L3MBTL4: variants seen among roughly 807,000 people sequenced by gnomAD.
L3MBTL4 encodes the protein L3MBTL histone methyl-lysine binding protein 4, also known as lethal(3)malignant brain tumor-like protein 4.
A neutral mutation model predicts 84.5 loss-of-function variants in L3MBTL4; 70 were observed. The observed-to-expected ratio is 0.83, with a 90% CI of 0.68 to 1.01. The LOEUF (loss-of-function observed/expected upper bound fraction) is 1.01, where lower values mean the gene tolerates loss of function less well. Ranked by LOEUF, L3MBTL4 falls within the 50% of genes least tolerant of loss-of-function variation. L3MBTL4 has a pLI of 0.00. For missense variants in L3MBTL4, 715 were observed against 754.8 expected, an observed-to-expected ratio of 0.95 and a Z score of 0.62; for synonymous variants, 274 against 259.8, an observed-to-expected ratio of 1.05 and a Z score of -0.52.
At chr18:5,993,273 A>G (rs1011610215) in intron 16 of L3MBTL4, among the ~76,000 whole-genome samples, 10 of 152,220 alleles carry the variant, frequency 6.6e-5, no homozygotes, top group Admixed American at 2.0e-4. Flanking sequence ...CTTTCCAAAG[A>G]AATAACCCTT....
chr18:6,009,152 T>C (rs1275331383), intron 16 of L3MBTL4, among the ~76,000 whole-genome samples: 1 of 152,138 alleles, frequency 6.6e-6, no homozygotes, highest in Non-Finnish European at 1.5e-5. Flanking sequence ...CAAAGATTCT[T>C]AGTTACAGAA....
At chr18:6,103,396 T>C (rs2058897464) in intron 14 of L3MBTL4, among the ~76,000 whole-genome samples, 1 of 152,236 alleles carries the variant, frequency 6.6e-6, no homozygotes, top group Admixed American at 6.5e-5. Context: ...TGAAATATTC[T>C]AGTTTTAAAA....
At chr18:6,130,400 C>A (rs1367677196) in intron 14 of L3MBTL4, among the ~76,000 whole-genome samples, 1 of 152,120 alleles carries the variant, frequency 6.6e-6, no homozygotes, top group Admixed American at 6.5e-5. Context: ...TATAAGTTTC[C>A]ACTAAGAGCA....
chr18:5,998,013 TA>T (rs534484032), intron 16 of L3MBTL4, among the ~76,000 whole-genome samples: 105 of 152,272 alleles, frequency 6.9e-4, no homozygotes, highest in African/African-American at 2.4e-3. Flanking sequence ...AAAGTTAAAA[TA>T]AAGAATTTAG....
intron 12 of L3MBTL4, among the ~76,000 whole-genome samples, chr18:6,199,518 A>G (rs181889868): frequency 3.3e-4 from 51 of 152,336 alleles, no homozygotes; most frequent in Non-Finnish European, 5.0e-4. Flanking sequence ...ATTACTGTAT[A>G]GAGACCACCA....
rs962053887 is a variant in L3MBTL4 at position 6,078,473 on chromosome 18, A to C, written c.1444+2408T>G. On this transcript the variant is annotated intron_variant, in intron 16 of 18. Transcript: ENST00000317931. ...AAAAAAAAGGGGAAAAAAAGGAAGGACATGGGTACTGGATATTATGATCAG... is the reference window on the plus strand; with the variant it reads ...AAAAAAAAGGGGAAAAAAAGGAAGGCCATGGGTACTGGATATTATGATCAG... Among the ~76,000 whole-genome samples, 47 of 151,286 alleles carry C rather than the reference A, an allele frequency of 3.1e-4. 1 individual carries two copies. Among genetic ancestry groups the C allele is most frequent in the African/African-American group, 1.1e-3 (47 of 41,204 alleles).
intron 1 of L3MBTL4, chr18:6,326,588 A>G (rs746392721): frequency 6.6e-6 from 1 of 152,260 alleles, no homozygotes; most frequent in Non-Finnish European, 1.5e-5. Context: ...GTCTTCTCTC[A>G]TAATTCCCAT....
intron 12 of L3MBTL4, among the ~76,000 whole-genome samples, chr18:6,178,479 A>G (rs192090731): frequency 7.2e-5 from 11 of 152,238 alleles, no homozygotes; most frequent in Admixed American, 3.9e-4. Context: ...ATTTACCAAG[A>G]GTCCTTTTGT....
intron 16 of L3MBTL4, chr18:6,030,797 A>G: frequency 3.0e-6 from 3 of 985,136 alleles, no homozygotes; most frequent in Non-Finnish European, 3.6e-6. Context: ...TGCATTAAAA[A>G]CGTCTTACGA....
intron 16 of L3MBTL4, among the ~76,000 whole-genome samples, chr18:6,023,811 A>T (rs1245928750): frequency 6.6e-6 from 1 of 152,152 alleles, no homozygotes; most frequent in Non-Finnish European, 1.5e-5. Flanking sequence ...GTGGGATCTG[A>T]AGTTTAAAAC....
intron 16 of L3MBTL4, among the ~76,000 whole-genome samples, chr18:6,000,685 A>G (rs1009802097): frequency 6.6e-6 from 1 of 152,220 alleles, no homozygotes; most frequent in African/African-American, 2.4e-5. Context: ...TTGAATCTAT[A>G]TATCATAAGG....
intron 14 of L3MBTL4, among the ~76,000 whole-genome samples, chr18:6,132,541 C>G (rs1202371380): frequency 2.0e-5 from 3 of 152,230 alleles, no homozygotes; most frequent in African/African-American, 7.2e-5. Context: ...CCCCATTCTT[C>G]TCACTATCAC....
At chr18:6,341,837 A>C (rs1295166618) in intron 1 of L3MBTL4, among the ~76,000 whole-genome samples, 2 of 152,160 alleles carry the variant, frequency 1.3e-5, no homozygotes, top group African/African-American at 4.8e-5. Flanking sequence ...CCACCAAGAT[A>C]CATTATAATC....
At chr18:6,163,320 T>G (rs557975260) in intron 13 of L3MBTL4, among the ~76,000 whole-genome samples, 1 of 147,288 alleles carries the variant, frequency 6.8e-6, no homozygotes, top group African/African-American at 2.5e-5. Context: ...TGGGTGTGTA[T>G]TTTTGCTTTC....
intron 16 of L3MBTL4, among the ~76,000 whole-genome samples, chr18:6,072,651 T>G (rs1403981377): frequency 6.7e-6 from 1 of 149,716 alleles, no homozygotes; most frequent in African/African-American, 2.5e-5. Flanking sequence ...CCATCCTGGC[T>G]AACACAGTGA....
rs758381789 is a variant in L3MBTL4, at chr18:6,243,293, C to T, written c.460+1G>A. On this transcript the variant is annotated splice_donor_variant, in intron 7 of 18. Transcript: ENST00000317931. LOFTEE classifies it high-confidence loss of function. The stretch of plus-strand genomic sequence containing the variant: ...CAGTTGGTAAATGTATCCTGGCTTA[C>T]CCTTAGGGATGTGCAGTTCATGTTT... 1 of 1,575,928 alleles carries T rather than the reference C, an allele frequency of 6.3e-7. No homozygotes were observed. The highest frequency in any genetic ancestry group is 1.9e-5 in the Admixed American group (1 of 53,728).
chr18:6,327,759 T>C (rs1246485760), intron 1 of L3MBTL4, among the ~76,000 whole-genome samples: 1 of 151,986 alleles, frequency 6.6e-6, no homozygotes, highest in Non-Finnish European at 1.5e-5. Context: ...CAGCGTAGAG[T>C]TGTTCATTTT....
intron 13 of L3MBTL4, among the ~76,000 whole-genome samples, chr18:6,141,719 C>T (rs1302006978): frequency 2.0e-5 from 3 of 152,146 alleles, no homozygotes; most frequent in Admixed American, 2.0e-4. Context: ...TGGCCTAATC[C>T]AAAGCCATCT....
At chr18:6,332,845 C>G (rs2052111456) in intron 1 of L3MBTL4, among the ~76,000 whole-genome samples, 1 of 152,172 alleles carries the variant, frequency 6.6e-6, no homozygotes, top group Non-Finnish European at 1.5e-5. Flanking sequence ...AGAATCCAGA[C>G]TAATAAAAAT....
Sources: allele counts gnomAD v4.1 joint callset (sites outside exome capture counted in the v4.1 genomes callset), GRCh38; gene constraint gnomAD v4.1.1; transcripts MANE v1.5; gene names NCBI Gene and HGNC (gene_info 2026-07-23, HGNC 2026-07-21).